Variants in ZDHHC7 observed in about 807,000 individuals in gnomAD.
ZDHHC7 encodes the protein palmitoyltransferase ZDHHC7.
ZDHHC7 carries 12 observed loss-of-function variants against 34.1 expected under a neutral mutation model. The observed-to-expected ratio is 0.35, with a 90% CI of 0.23 to 0.57. ZDHHC7 has a LOEUF of 0.57. Among genes scored for constraint, ZDHHC7 ranks in the 20% least tolerant of loss-of-function variants. The pLI, the probability that ZDHHC7 is intolerant of heterozygous loss-of-function variation, is 0.84. For missense variants in ZDHHC7, 388 were observed against 402.7 expected (o/e 0.96, Z 0.31); for synonymous variants, 185 against 155.4 (o/e 1.19, Z -1.42).
intron 1 of ZDHHC7, among the ~76,000 whole-genome samples, chr16:85,008,777 G>A (rs59747951): frequency 0.35 from 52,358 of 151,596 alleles, 10,438 homozygotes; most frequent in African/African-American, 0.54. Context: ...CAGGCACAGT[G>A]GCTCACGCCT....
chr16:85,025,337 A>C, the ZDHHC7 span, among the ~76,000 whole-genome samples: 12 of 151,442 alleles, frequency 7.9e-5, no homozygotes, highest in African/African-American at 2.9e-4. Context: ...GGGAGAGACC[A>C]AGTTCTGATG....
chr16:84,999,745 T>C (rs578017961), intron 1 of ZDHHC7, among the ~76,000 whole-genome samples: 6 of 152,130 alleles, frequency 3.9e-5, no homozygotes, highest in Non-Finnish European at 7.4e-5. Flanking sequence ...ACATTGTAAG[T>C]TGACAGACAT....
chr16:85,020,713 C>T, the ZDHHC7 span, among the ~76,000 whole-genome samples: 1 of 152,062 alleles, frequency 6.6e-6, no homozygotes, highest in Non-Finnish European at 1.5e-5. Flanking sequence ...CTTGGAAGGG[C>T]CAGGTCATGC....
chr16:84,979,111 A>G lies in ZDHHC7; in HGVS notation c.537+78T>C, dbSNP rs1597530709. ...AGAGAAACTGGCCTGACGTTAGTAG[A>G]TTTCTCTGCTCCAGGCAAGAAGCAG... On this transcript the variant is annotated intron_variant, in intron 5 of 7. Coordinates refer to ENST00000313732, the MANE Select transcript of ZDHHC7 (RefSeq NM_017740.3). 2.8e-6 allele frequency: 4 copies of G among 1,412,320 alleles called. No homozygotes were observed. The Admixed American group carries it at 1.0e-4, about 36-fold the overall frequency. 87.5% of individuals were successfully genotyped at this position (1,412,320 alleles called of 1,614,324 possible).
At chr16:85,006,463 C>T (rs952728228) in intron 1 of ZDHHC7, among the ~76,000 whole-genome samples, 9 of 152,066 alleles carry the variant, frequency 5.9e-5, no homozygotes, top group African/African-American at 2.2e-4. Flanking sequence ...CCTGTAATCC[C>T]GGCACTTTAG....
intron 1 of ZDHHC7, among the ~76,000 whole-genome samples, chr16:85,000,813 G>A (rs1211388385): frequency 5.3e-5 from 8 of 152,230 alleles, no homozygotes; most frequent in African/African-American, 1.9e-4. Context: ...AGCCACAGGA[G>A]CAGAGCGCAC....
chr16:85,024,230 G>GTTTTTTT, the ZDHHC7 span, among the ~76,000 whole-genome samples: 8 of 108,718 alleles, frequency 7.4e-5, no homozygotes, highest in African/African-American at 1.1e-4. Flanking sequence ...AGAGTTTTTT[G>GTTTTTTT]TTTTTTTTTT....
intron 3 of ZDHHC7, among the ~76,000 whole-genome samples, chr16:84,983,985 T>C (rs1362441746): frequency 6.7e-6 from 1 of 149,116 alleles, no homozygotes; most frequent in African/African-American, 2.5e-5. Context: ...AAAAAATTTT[T>C]ACTTAACTTA....
At chr16:84,983,065 C>G (rs1468122552) in intron 3 of ZDHHC7, among the ~76,000 whole-genome samples, 1 of 152,204 alleles carries the variant, frequency 6.6e-6, no homozygotes, top group South Asian at 2.1e-4. Flanking sequence ...AATAGGCAGA[C>G]CTGCCTGGGG....
chr16:85,004,204 G>A (rs1597562068), intron 1 of ZDHHC7, among the ~76,000 whole-genome samples: 1 of 151,676 alleles, frequency 6.6e-6, no homozygotes, highest in East Asian at 1.9e-4. Context: ...AAAAAAAAAG[G>A]CCCCGCCCTT....
chr16:85,025,787 C>A, the ZDHHC7 span, among the ~76,000 whole-genome samples: 3,138 of 152,310 alleles, frequency 0.021, 103 homozygotes, highest in African/African-American at 0.072. Flanking sequence ...CCTTCCAGGC[C>A]CAGATATATA....
intron 3 of ZDHHC7, chr16:84,988,724 C>G: frequency 6.5e-7 from 1 of 1,539,806 alleles, no homozygotes; most frequent in Non-Finnish European, 8.8e-7. Context: ...GGACTCCCAG[C>G]CAGGCTGACC....
the ZDHHC7 span, among the ~76,000 whole-genome samples, chr16:85,021,130 G>A: frequency 4.7e-5 from 7 of 149,402 alleles, no homozygotes; most frequent in East Asian, 3.9e-4. Context: ...ATTAAAAAAG[G>A]GGGGGGTGCA....
intron 3 of ZDHHC7, among the ~76,000 whole-genome samples, chr16:84,986,324 C>A (rs987983907): frequency 6.6e-6 from 1 of 152,232 alleles, no homozygotes; most frequent in African/African-American, 2.4e-5. Context: ...CTTACTGGCA[C>A]AGCGAGGCCT....
Position 85,011,479 on chromosome 16 carries a change from C to A in ZDHHC7, c.-297G>T, listed in dbSNP as rs1309993017. The A allele has an allele frequency of 2.0e-5, 3 of 152,210 alleles. No individual in the cohort carries two copies. The highest frequency in any genetic ancestry group is 4.8e-5 in the African/African-American group (2 of 41,436). The allele number at this position is 152,210 out of a possible 1,614,324, so 9.4% of individuals were successfully genotyped here. On this transcript the variant is annotated 5_prime_UTR_variant, in exon 1 of 8. Transcript: ENST00000313732. Reference sequence around the variant, plus strand: ...AGGTCGGAAGGAGGCTGCAGCCAAGCAAATGCCTCAGCCCGGAGCCTTGGC... The same window carrying A: ...AGGTCGGAAGGAGGCTGCAGCCAAGAAAATGCCTCAGCCCGGAGCCTTGGC...
chr16:85,020,286 G>C, the ZDHHC7 span, among the ~76,000 whole-genome samples: 1 of 152,110 alleles, frequency 6.6e-6, no homozygotes, highest in African/African-American at 2.4e-5. Flanking sequence ...TGCGATCCTG[G>C]TTTTAAACTC....
At chr16:85,022,872 G>T in the ZDHHC7 span, among the ~76,000 whole-genome samples, 1 of 152,136 alleles carries the variant, frequency 6.6e-6, no homozygotes, top group Non-Finnish European at 1.5e-5. Flanking sequence ...GAACAATCAG[G>T]AAAATCTAAA....
At chr16:84,980,216 C>T (rs1467822963) in intron 4 of ZDHHC7, among the ~76,000 whole-genome samples, 2 of 151,414 alleles carry the variant, frequency 1.3e-5, no homozygotes, top group Non-Finnish European at 2.9e-5. Flanking sequence ...CCGCCCACCC[C>T]GGCCTCCCAA....
chr16:84,987,426 A>G (rs2072450872), intron 3 of ZDHHC7, among the ~76,000 whole-genome samples: 1 of 151,612 alleles, frequency 6.6e-6, no homozygotes, highest in East Asian at 1.9e-4. Flanking sequence ...AATGGTGTGG[A>G]TGCTTCGATG....
Sources: allele counts gnomAD v4.1 joint callset (sites outside exome capture counted in the v4.1 genomes callset), GRCh38; gene constraint gnomAD v4.1.1; transcripts MANE v1.5; gene names NCBI Gene and HGNC (gene_info 2026-07-23, HGNC 2026-07-21).